Variants in TMEM117 observed in about 807,000 individuals in gnomAD.
TMEM117 encodes transmembrane protein 117.
A neutral mutation model predicts 52.4 loss-of-function variants in TMEM117; 27 were observed. The ratio of observed to expected loss-of-function variants is 0.51; its 90% CI spans 0.38 to 0.71. The LOEUF is 0.71. Among genes scored for constraint, TMEM117 ranks in the 30% least tolerant of loss-of-function variants. The pLI is 0.00. For synonymous variants in TMEM117, 215 were observed against 206.3 expected, an observed-to-expected ratio of 1.04 and a Z score of -0.36; for missense variants, 556 against 630.5, an observed-to-expected ratio of 0.88 and a Z score of 1.26.
chr12:44,312,322 C>G (rs78501330), intron 6 of TMEM117, among the ~76,000 whole-genome samples: 4,244 of 151,970 alleles, frequency 0.028, 97 homozygotes, highest in African/African-American at 0.055. Context: ...TCATATGTAC[C>G]CAATGTTTAG....
At chr12:43,962,670 C>G (rs1942506833) in intron 3 of TMEM117, among the ~76,000 whole-genome samples, 1 of 152,154 alleles carries the variant, frequency 6.6e-6, no homozygotes, top group South Asian at 2.1e-4. Flanking sequence ...CCTGTAAACC[C>G]AGCACTTTGG....
intron 6 of TMEM117, among the ~76,000 whole-genome samples, chr12:44,303,358 AT>A (rs148593803): frequency 5.3e-5 from 8 of 151,504 alleles, no homozygotes; most frequent in Admixed American, 3.9e-4. Context: ...TGGTATTGTA[AT>A]TTTTTTTTAA....
chr12:44,214,377 A>G (rs1472134737), intron 5 of TMEM117, among the ~76,000 whole-genome samples: 1 of 151,928 alleles, frequency 6.6e-6, no homozygotes, highest in Non-Finnish European at 1.5e-5. Context: ...CATGTTGGCC[A>G]GGCTGGTCTC....
At chr12:44,103,470 A>G (rs1190174156) in intron 3 of TMEM117, among the ~76,000 whole-genome samples, 1 of 151,908 alleles carries the variant, frequency 6.6e-6, no homozygotes. Context: ...TTCTTATATT[A>G]TCTTTCTACC....
chr12:44,282,471 C>A (rs1016712097), intron 5 of TMEM117, among the ~76,000 whole-genome samples: 19 of 152,104 alleles, frequency 1.2e-4, no homozygotes, highest in Admixed American at 2.0e-4. Flanking sequence ...AGGTGAGGAA[C>A]TTGTTGGGAA....
At chr12:44,167,772 C>T (rs907149224) in intron 4 of TMEM117, among the ~76,000 whole-genome samples, 1 of 152,080 alleles carries the variant, frequency 6.6e-6, no homozygotes, top group African/African-American at 2.4e-5. Flanking sequence ...AGTTTCTTCC[C>T]TAGAAGAGTA....
intron 3 of TMEM117, among the ~76,000 whole-genome samples, chr12:44,124,438 T>C (rs1358583594): frequency 6.6e-6 from 1 of 152,212 alleles, no homozygotes; most frequent in African/African-American, 2.4e-5. Flanking sequence ...TTCAATACTA[T>C]GTTGAATAGG....
chr12:44,215,512 A>G (rs928261381), intron 5 of TMEM117, among the ~76,000 whole-genome samples: 1 of 152,180 alleles, frequency 6.6e-6, no homozygotes, highest in Admixed American at 6.5e-5. Context: ...TAAATGCTAT[A>G]TGAATGCCTT....
chr12:44,175,294 A>C (rs1250141009), intron 4 of TMEM117, among the ~76,000 whole-genome samples: 1 of 152,100 alleles, frequency 6.6e-6, no homozygotes. Flanking sequence ...TGAGCTGGCG[A>C]GATTTCGTGA....
chr12:44,005,013 A>T (rs182014889), intron 3 of TMEM117, among the ~76,000 whole-genome samples: 1 of 152,346 alleles, frequency 6.6e-6, no homozygotes, highest in African/African-American at 2.4e-5. Flanking sequence ...TTATTTTCTA[A>T]TAACTAGCTG....
At chr12:44,114,346 G>T (rs1007094063) in intron 3 of TMEM117, among the ~76,000 whole-genome samples, 3 of 152,102 alleles carry the variant, frequency 2.0e-5, no homozygotes, top group African/African-American at 7.2e-5. Flanking sequence ...TGAGTGAATG[G>T]CTATGGAAAT....
chr12:44,180,352 C>CTT (rs112698806), intron 4 of TMEM117, among the ~76,000 whole-genome samples: 1 of 146,192 alleles, frequency 6.8e-6, no homozygotes, highest in Non-Finnish European at 1.5e-5. Context: ...TACCTGACAT[C>CTT]TTTTTTTTTT....
chr12:43,802,840 T>C, the TMEM117 span, among the ~76,000 whole-genome samples: 1 of 152,190 alleles, frequency 6.6e-6, no homozygotes, highest in Non-Finnish European at 1.5e-5. Context: ...TTCAAAAGTA[T>C]AATTTCTGAC....
intron 5 of TMEM117, among the ~76,000 whole-genome samples, chr12:44,295,686 T>C (rs1592673342): frequency 1.3e-5 from 2 of 152,200 alleles, no homozygotes; most frequent in Non-Finnish European, 2.9e-5. Flanking sequence ...TGTTTTTTTT[T>C]TTATGGTTTC....
At chr12:44,298,048 C>CTTTTTTTTTTTTTTTTT in intron 5 of TMEM117, among the ~76,000 whole-genome samples, 1 of 150,268 alleles carries the variant, frequency 6.7e-6, no homozygotes, top group Admixed American at 6.6e-5. Flanking sequence ...TGTTTATTTT[C>CTTTTTTTTTTTTTTTTT]TAAAATTTTA....
intron 6 of TMEM117, among the ~76,000 whole-genome samples, chr12:44,342,640 CAAA>C (rs1205448518): frequency 9.9e-4 from 84 of 84,544 alleles, no homozygotes; most frequent in African/African-American, 1.7e-3. Context: ...GCTGATTAGT[CAAA>C]AAAAAAAAAA....
At chr12:44,259,853 CACT>C (rs1280264613) in intron 5 of TMEM117, among the ~76,000 whole-genome samples, 2 of 152,144 alleles carry the variant, frequency 1.3e-5, no homozygotes, top group Admixed American at 1.3e-4. Flanking sequence ...CCACATTTAG[CACT>C]ACTGCTATTT....
chr12:43,838,441 C>A (rs1476641623), intron 1 of TMEM117, among the ~76,000 whole-genome samples: 1 of 151,392 alleles, frequency 6.6e-6, no homozygotes, highest in Non-Finnish European at 1.5e-5. Flanking sequence ...TGAGGACATT[C>A]CATATATTTG....
chr12:43,996,216 G>A (rs558372695), intron 3 of TMEM117, among the ~76,000 whole-genome samples: 13 of 152,242 alleles, frequency 8.5e-5, no homozygotes, highest in East Asian at 5.8e-4. Flanking sequence ...ATGTTTTAGC[G>A]CATTTTCTTA....
Sources: gnomAD v4.1 joint callset for allele counts (sites outside exome capture counted in the v4.1 genomes callset) on GRCh38, gnomAD v4.1.1 for gene constraint, MANE v1.5 for transcripts, NCBI Gene and HGNC (gene_info 2026-07-23, HGNC 2026-07-21) for gene names.